TENM2: variants seen among roughly 807,000 people sequenced by gnomAD.
TENM2 encodes the protein teneurin-2.
In TENM2, 52 loss-of-function variants were observed where a neutral mutation model predicts 245.2. The ratio of observed to expected loss-of-function variants is 0.21; its 90% confidence interval spans 0.17 to 0.27. TENM2 has a LOEUF of 0.27. Ranked by LOEUF, TENM2 falls within the 10% of genes least tolerant of loss-of-function variation. The pLI is 1.00. For missense variants in TENM2, 3,046 were observed against 3,666.8 expected (o/e 0.83, Z 4.37); for synonymous variants, 1,363 against 1,438.9 (o/e 0.95, Z 1.19).
At chr5:167,815,133 C>T (rs550530053) in intron 2 of TENM2, among the ~76,000 whole-genome samples, 1 of 152,288 alleles carries the variant, frequency 6.6e-6, no homozygotes, top group African/African-American at 2.4e-5. Context: ...CAGAAAATCA[C>T]ACATGTTCAT....
At chr5:167,043,626 G>A in the TENM2 span, among the ~76,000 whole-genome samples, 3 of 152,160 alleles carry the variant, frequency 2.0e-5, no homozygotes, top group Non-Finnish European at 2.9e-5. Flanking sequence ...AGTGGTGGAC[G>A]AATTTTACAT....
At chr5:168,153,897 G>A (rs1756878049) in intron 12 of TENM2, among the ~76,000 whole-genome samples, 1 of 152,102 alleles carries the variant, frequency 6.6e-6, no homozygotes, top group Admixed American at 6.5e-5. Context: ...TTCAGCAGGG[G>A]CATGGCATGA....
the TENM2 span, among the ~76,000 whole-genome samples, chr5:167,070,133 T>TTTATTTA: frequency 4.3e-4 from 64 of 147,876 alleles, 1 homozygote; most frequent in African/African-American, 7.1e-4. Context: ...TTATTTATTT[T>TTTATTTA]TTGAGACAGA....
chr5:167,879,614 C>T (rs952083805), intron 3 of TENM2, among the ~76,000 whole-genome samples: 5 of 152,196 alleles, frequency 3.3e-5, no homozygotes, highest in African/African-American at 1.2e-4. Context: ...AGAAAATATA[C>T]AGGCAACCAC....
At chr5:167,431,846 T>C (rs997449460) in intron 2 of TENM2, among the ~76,000 whole-genome samples, 3 of 149,792 alleles carry the variant, frequency 2.0e-5, no homozygotes, top group Admixed American at 6.7e-5. Context: ...ATTTTAATCA[T>C]TTATGTATTT....
At chr5:168,242,046 A>G (rs1162516040) in intron 25 of TENM2, among the ~76,000 whole-genome samples, 4 of 152,152 alleles carry the variant, frequency 2.6e-5, no homozygotes, top group Non-Finnish European at 4.4e-5. Context: ...TCATAGTCAC[A>G]AGGTAAATGC....
At chr5:167,191,954 G>A in the TENM2 span, among the ~76,000 whole-genome samples, 3 of 152,116 alleles carry the variant, frequency 2.0e-5, no homozygotes, top group Non-Finnish European at 4.4e-5. Context: ...ACATGTTGCC[G>A]GATCCATTAG....
chr5:167,819,136 C>T (rs1293400780), intron 2 of TENM2, among the ~76,000 whole-genome samples: 1 of 152,016 alleles, frequency 6.6e-6, no homozygotes, highest in African/African-American at 2.4e-5. Context: ...GAGGGAAGTC[C>T]TGCTTCTTCC....
the TENM2 span, among the ~76,000 whole-genome samples, chr5:167,039,478 C>T: frequency 1.3e-5 from 2 of 152,148 alleles, no homozygotes; most frequent in African/African-American, 2.4e-5. Context: ...GATTAGGCAT[C>T]TATGCTCATA....
the TENM2 span, among the ~76,000 whole-genome samples, chr5:167,171,295 T>C: frequency 5.9e-5 from 9 of 152,230 alleles, no homozygotes; most frequent in Non-Finnish European, 1.2e-4. Flanking sequence ...TGGCCCCTTC[T>C]GTCACTTCCT....
chr5:168,221,798 G>A (rs1763693251), intron 23 of TENM2, among the ~76,000 whole-genome samples: 1 of 152,142 alleles, frequency 6.6e-6, no homozygotes, highest in Non-Finnish European at 1.5e-5. Flanking sequence ...CCAAAAGGCA[G>A]CATCTTATAC....
intron 17 of TENM2, among the ~76,000 whole-genome samples, chr5:168,203,420 T>G (rs1055110486): frequency 6.6e-6 from 1 of 152,258 alleles, no homozygotes; most frequent in Non-Finnish European, 1.5e-5. Flanking sequence ...AGGGTCATTT[T>G]TGAAAGCCAG....
intron 2 of TENM2, among the ~76,000 whole-genome samples, chr5:167,443,471 G>A (rs1165491870): frequency 6.6e-6 from 1 of 152,158 alleles, no homozygotes; most frequent in East Asian, 1.9e-4. Flanking sequence ...CTGGCCCTTT[G>A]CAGAAAAGGG....
the TENM2 span, among the ~76,000 whole-genome samples, chr5:167,101,399 A>C: frequency 6.6e-6 from 1 of 152,190 alleles, no homozygotes; most frequent in African/African-American, 2.4e-5. Context: ...CTAAGTCTTG[A>C]AGAAATTATG....
At chr5:168,116,292 T>C (rs895632568) in intron 9 of TENM2, among the ~76,000 whole-genome samples, 11 of 152,140 alleles carry the variant, frequency 7.2e-5, no homozygotes, top group Non-Finnish European at 1.6e-4. Flanking sequence ...CTCTGGTAAA[T>C]TCATAAGCAT....
At chr5:168,232,698 T>C (rs542044558) in intron 25 of TENM2, among the ~76,000 whole-genome samples, 43 of 152,164 alleles carry the variant, frequency 2.8e-4, no homozygotes, top group Non-Finnish European at 8.8e-5. Flanking sequence ...GCCATCACAA[T>C]AGAACAGTGC....
intron 2 of TENM2, among the ~76,000 whole-genome samples, chr5:167,655,739 T>G (rs189233534): frequency 6.6e-6 from 1 of 152,340 alleles, no homozygotes; most frequent in South Asian, 2.1e-4. Context: ...AAGTATATGA[T>G]GGTGTCATCT....
chr5:167,058,597 A>C, the TENM2 span, among the ~76,000 whole-genome samples: 1 of 152,172 alleles, frequency 6.6e-6, no homozygotes, highest in East Asian at 1.9e-4. Flanking sequence ...TATCTCTATA[A>C]AAAATCAGCC....
chr5:167,598,494 A>C (rs576533581), intron 2 of TENM2, among the ~76,000 whole-genome samples: 42 of 152,354 alleles, frequency 2.8e-4, no homozygotes, highest in African/African-American at 9.9e-4. Context: ...TAATCTTTCT[A>C]CATTTTGCCA....
Sources: allele counts gnomAD v4.1 joint callset (sites outside exome capture counted in the v4.1 genomes callset), GRCh38; gene constraint gnomAD v4.1.1; transcripts MANE v1.5; gene names NCBI Gene and HGNC (gene_info 2026-07-23, HGNC 2026-07-21).